EML1: variants seen among roughly 807,000 people sequenced by gnomAD.
The protein encoded by EML1 is EMAP like 1, also known as echinoderm microtubule-associated protein-like 1.
A neutral mutation model predicts 110.4 loss-of-function variants in EML1; 27 were observed. The observed-to-expected ratio is 0.24, with a 90% confidence interval of 0.18 to 0.34. EML1 has a LOEUF of 0.34. EML1 is among the 10% of genes least tolerant of loss of function. The pLI, the probability that EML1 is intolerant of heterozygous loss-of-function variation, is 1.00. For synonymous variants in EML1, 344 were observed against 385.8 expected (o/e 0.89, Z 1.27); for missense variants, 741 against 1,030.9 (o/e 0.72, Z 3.85).
In EML1 at chr14:99,924,072, A is replaced by G. The variant is rs139423413; in HGVS notation, c.1909+3195A>G. On this transcript the variant is annotated intron_variant, in intron 17 of 21. Transcript: ENST00000262233. ...ACAATAGTGGCTCTTATCATGAGCA[A>G]AGACTGTCTCTCCATTTATTTAGGT... Among the ~76,000 whole-genome samples, 744 of 152,360 alleles carry G rather than the reference A, an allele frequency of 4.9e-3. 8 individuals are homozygous for G. The highest frequency in any genetic ancestry group is 0.017 in the African/African-American group (699 of 41,578).
chr14:99,894,750 G>A lies in EML1; in HGVS notation c.669G>A (p.Leu223=). 2 of 1,611,854 alleles carry A rather than the reference G, an allele frequency of 1.2e-6. No individual in the cohort carries two copies. Among genetic ancestry groups the A allele is most frequent in the Non-Finnish European group, 1.7e-6 (2 of 1,178,998 alleles). ...AACTTCCAACCAAGAGACTCAAGCT[G>A]GAATGGGTGTATCCTTTATTCATTG... ...KVELPTKRLK[L]EWVYGYRGRD... The change falls in exon 6 of 22, where the codon CTG becomes CTA. Residue 223 remains leucine, a synonymous_variant. Transcript: ENST00000262233.
chr14:99,865,605 C>T lies in EML1; in HGVS notation c.342C>T (p.Pro114=). The T allele has an allele frequency of 6.2e-7, 1 of 1,614,202 alleles. No individual in the cohort carries two copies. The highest frequency in any genetic ancestry group is 8.5e-7 in the Non-Finnish European group (1 of 1,180,030). ...AACCTACTGGCTCTCTACCATCCCCCTCCGGGGTCAGGAAAGAAACTGCTG... is the reference window on the plus strand; with the variant it reads ...AACCTACTGGCTCTCTACCATCCCCTTCCGGGGTCAGGAAAGAAACTGCTG... ...PKKPTGSLPS[P]SGVRKETAVP... is the part of the protein sequence containing the mutation. Residue 114 remains proline, a synonymous_variant, in exon 3 of 22, where the codon CCC becomes CCT. Transcript: ENST00000262233.
intron 1 of EML1, among the ~76,000 whole-genome samples, chr14:99,738,928 A>G (rs1320169734): frequency 6.6e-6 from 1 of 152,076 alleles, no homozygotes; most frequent in Non-Finnish European, 1.5e-5. Context: ...AGGCTCTCGG[A>G]ACTCATCAGG....
chr14:99,866,344 G>A (rs1230958333), intron 3 of EML1, among the ~76,000 whole-genome samples: 1 of 152,114 alleles, frequency 6.6e-6, no homozygotes, highest in East Asian at 1.9e-4. Flanking sequence ...GCCAAGGCGG[G>A]CAGATCATCT....
chr14:99,848,968 A>T (rs2058747110), intron 1 of EML1, among the ~76,000 whole-genome samples: 3 of 152,266 alleles, frequency 2.0e-5, no homozygotes, highest in South Asian at 2.1e-4. Context: ...GTCAAAAAAA[A>T]AAAAAATAAT....
intron 1 of EML1, among the ~76,000 whole-genome samples, chr14:99,780,700 G>A (rs2057530437): frequency 6.6e-6 from 1 of 152,132 alleles, no homozygotes; most frequent in Admixed American, 6.5e-5. Flanking sequence ...TTATGACACT[G>A]TATTTTTAAT....
chr14:99,863,750 C>T (rs763998778), intron 2 of EML1, among the ~76,000 whole-genome samples: 1 of 152,210 alleles, frequency 6.6e-6, no homozygotes, highest in African/African-American at 2.4e-5. Flanking sequence ...ACATCTTGGT[C>T]GCTTCCCGTT....
At chr14:99,843,312 ATAT>A (rs1484996045) in intron 1 of EML1, among the ~76,000 whole-genome samples, 1 of 152,232 alleles carries the variant, frequency 6.6e-6, no homozygotes, top group African/African-American at 2.4e-5. Flanking sequence ...TAAAAAGCAA[ATAT>A]TATTAATTAT....
At chr14:99,851,747 T>C (rs1448661579) in intron 2 of EML1, among the ~76,000 whole-genome samples, 5 of 152,214 alleles carry the variant, frequency 3.3e-5, no homozygotes, top group Non-Finnish European at 7.3e-5. Context: ...TAGCTTATAC[T>C]GTCATTCAGT....
At chr14:99,902,043 A>G (rs1431061827) in intron 9 of EML1, among the ~76,000 whole-genome samples, 1 of 152,120 alleles carries the variant, frequency 6.6e-6, no homozygotes, top group Non-Finnish European at 1.5e-5. Flanking sequence ...CTGCCTAACT[A>G]TTAGGGTCTC....
chr14:99,855,183 T>C (rs541406421), intron 2 of EML1, among the ~76,000 whole-genome samples: 1 of 152,366 alleles, frequency 6.6e-6, no homozygotes, highest in East Asian at 1.9e-4. Context: ...TCATTTCAAC[T>C]AAATAGACAA....
Position 99,900,910 on chromosome 14 carries a change from G to A in EML1, c.898-19G>A, listed in dbSNP as rs2059752549. The A allele has an allele frequency of 1.2e-6, 2 of 1,604,848 alleles. No homozygotes were observed. Among genetic ancestry groups the A allele is most frequent in the African/African-American group, 1.3e-5 (1 of 74,712 alleles). ...TATCACCATCACAATTGATGGCTCT[G>A]TGTTTCTTTTCTGAACAGCAATTGC... is the stretch of plus-strand genomic sequence containing the variant. On this transcript the variant is annotated intron_variant, in intron 8 of 21. Transcript: ENST00000262233.
chr14:99,803,090 C>T (rs1333145447), intron 1 of EML1, among the ~76,000 whole-genome samples: 1 of 152,164 alleles, frequency 6.6e-6, no homozygotes, highest in Non-Finnish European at 1.5e-5. Flanking sequence ...GATATAAGCT[C>T]CTCTGGGCAG....
chr14:99,745,404 G>A (rs1476488164), intron 1 of EML1, among the ~76,000 whole-genome samples: 1 of 151,990 alleles, frequency 6.6e-6, no homozygotes, highest in Non-Finnish European at 1.5e-5. Flanking sequence ...TACACATATG[G>A]CACACACACA....
intron 4 of EML1, among the ~76,000 whole-genome samples, chr14:99,881,607 C>CTTT (rs11452810): frequency 1.2e-4 from 17 of 144,184 alleles, no homozygotes; most frequent in African/African-American, 3.6e-4. Context: ...TTTCTTTTTC[C>CTTT]TTTTTTTTTT....
At chr14:99,806,715 G>A (rs1345003951) in intron 1 of EML1, among the ~76,000 whole-genome samples, 1 of 152,080 alleles carries the variant, frequency 6.6e-6, no homozygotes, top group Non-Finnish European at 1.5e-5. Flanking sequence ...GAGGAGACAG[G>A]GCATGGATTC....
rs187426085 is a variant in EML1, at chr14:99,893,116, A to T, written c.548-1513A>T. Reference sequence around the variant, plus strand: ...ACAGGGTGTAGAGGGGGGCAAAGAGACACGCCTGGCCCCAGAGGAGAATCC... The same window carrying T: ...ACAGGGTGTAGAGGGGGGCAAAGAGTCACGCCTGGCCCCAGAGGAGAATCC... On this transcript the variant is annotated intron_variant, in intron 5 of 21. Coordinates refer to ENST00000262233, the MANE Select transcript of EML1 (RefSeq NM_004434.3). Among the ~76,000 whole-genome samples, 46 of 152,228 alleles carry T rather than the reference A, an allele frequency of 3.0e-4. No homozygotes were observed. The East Asian group carries it at 7.7e-3, about 26-fold the overall frequency.
chr14:99,889,588 G>A (rs1300280895), intron 4 of EML1, among the ~76,000 whole-genome samples: 1 of 152,218 alleles, frequency 6.6e-6, no homozygotes, highest in African/African-American at 2.4e-5. Context: ...CAGCGAACAT[G>A]AATCCGTACG....
chr14:99,744,531 T>C (rs1216696159), intron 1 of EML1, among the ~76,000 whole-genome samples: 1 of 152,206 alleles, frequency 6.6e-6, no homozygotes, highest in Admixed American at 6.5e-5. Flanking sequence ...TGAGTTTTTT[T>C]CCCCCGAATT....
Sources: gnomAD v4.1 joint callset for allele counts (sites outside exome capture counted in the v4.1 genomes callset) on GRCh38, gnomAD v4.1.1 for gene constraint, MANE v1.5 for transcripts, NCBI Gene and HGNC (gene_info 2026-07-23, HGNC 2026-07-21) for gene names.